ERC2: variants seen among roughly 807,000 people sequenced by gnomAD.
The protein encoded by ERC2 is ELKS/RAB6-interacting/CAST family member 2.
A neutral mutation model predicts 114.8 loss-of-function variants in ERC2; 42 were observed. The ratio of observed to expected loss-of-function variants is 0.37; its 90% CI spans 0.29 to 0.47. ERC2 has a LOEUF of 0.47. ERC2 is among the 20% of genes least tolerant of loss of function. ERC2 has a pLI of 0.99. For synonymous variants in ERC2, 454 were observed against 425.5 expected (o/e 1.07, Z -0.82); for missense variants, 939 against 1,150.7 (o/e 0.82, Z 2.66).
At chr3:55,683,942 T>G (rs2062191395) in intron 16 of ERC2, 83 bp from the exon 17 acceptor site, 2 of 1,468,842 alleles carry the variant, frequency 1.4e-6, no homozygotes, top group East Asian at 4.7e-5. Context: ...TACACCGAGA[T>G]GCACTGGAAA....
intron 2 of ERC2, among the ~76,000 whole-genome samples, chr3:56,368,504 A>G (rs1009632280): frequency 2.6e-5 from 4 of 152,216 alleles, no homozygotes; most frequent in Non-Finnish European, 5.9e-5. Flanking sequence ...ACAACATGCA[A>G]GAGTTAAAGG....
intron 17 of ERC2, among the ~76,000 whole-genome samples, chr3:55,584,251 T>G (rs1219520574): frequency 2.0e-5 from 3 of 152,170 alleles, no homozygotes; most frequent in East Asian, 1.9e-4. Flanking sequence ...GCAAGGTACT[T>G]TCCCTTGCAG....
intron 13 of ERC2, among the ~76,000 whole-genome samples, chr3:55,934,113 A>C (rs2066293216): frequency 6.6e-6 from 1 of 152,232 alleles, no homozygotes; most frequent in Non-Finnish European, 1.5e-5. Flanking sequence ...TATATACCAT[A>C]TGTGCATGTG....
Position 56,231,931 on chromosome 3 carries a change from G to GA in ERC2, c.1075-58412dup, listed in dbSNP as rs544978948. Among the ~76,000 whole-genome samples, 241 of 146,490 alleles carry GA rather than the reference G, an allele frequency of 1.6e-3. 1 individual carries two copies. Among genetic ancestry groups the GA allele is most frequent in the Non-Finnish European group, 2.6e-3 (172 of 66,558 alleles). On this transcript the variant is annotated intron_variant, in intron 3 of 17. Transcript: ENST00000288221. ...AAATGAGGTAAGCAATAACAAACTA[G>GA]AAAAAAAAATCTTTATAGAATGTAA...
chr3:56,093,459 G>A (rs568990712), intron 6 of ERC2, among the ~76,000 whole-genome samples: 2 of 152,090 alleles, frequency 1.3e-5, no homozygotes, highest in East Asian at 3.9e-4. Flanking sequence ...GAAAACCAGG[G>A]GTTCATCAGC....
chr3:55,541,429 C>A (rs1157994388), intron 17 of ERC2, among the ~76,000 whole-genome samples: 1 of 152,170 alleles, frequency 6.6e-6, no homozygotes, highest in Non-Finnish European at 1.5e-5. Flanking sequence ...GGGGTTTAGA[C>A]CCCGTAGCCT....
At chr3:56,344,928 T>C (rs1223692717) in intron 2 of ERC2, among the ~76,000 whole-genome samples, 1 of 152,200 alleles carries the variant, frequency 6.6e-6, no homozygotes, top group African/African-American at 2.4e-5. Flanking sequence ...TGAAAACCAA[T>C]GTACCAGTTC....
intron 3 of ERC2, among the ~76,000 whole-genome samples, chr3:56,248,390 G>T (rs1039376175): frequency 6.6e-6 from 1 of 152,128 alleles, no homozygotes; most frequent in African/African-American, 2.4e-5. Flanking sequence ...CACTGTGCCT[G>T]GCCCTACTAC....
At chr3:56,369,775 C>G (rs746190257) in intron 2 of ERC2, among the ~76,000 whole-genome samples, 211 of 152,094 alleles carry the variant, frequency 1.4e-3, no homozygotes, top group Non-Finnish European at 2.3e-3. Flanking sequence ...CTCCCGGATT[C>G]AAGCAATTCT....
intron 13 of ERC2, among the ~76,000 whole-genome samples, chr3:55,906,657 C>A (rs2064472306): frequency 2.0e-5 from 3 of 152,178 alleles, no homozygotes; most frequent in South Asian, 4.1e-4. Context: ...CTGCTTCACA[C>A]AATATTGCCC....
intron 17 of ERC2, among the ~76,000 whole-genome samples, chr3:55,525,707 C>T (rs374527247): frequency 1.3e-5 from 2 of 151,500 alleles, no homozygotes; most frequent in East Asian, 1.9e-4. Context: ...GGCCAGGCCA[C>T]GTGGGACTTT....
chr3:55,528,057 T>G (rs963535773), intron 17 of ERC2, among the ~76,000 whole-genome samples: 5 of 152,170 alleles, frequency 3.3e-5, no homozygotes, highest in Non-Finnish European at 5.9e-5. Context: ...TGAAAGGGCT[T>G]CATAAGCAGC....
chr3:56,327,661 G>A (rs751765148), intron 2 of ERC2, among the ~76,000 whole-genome samples: 3 of 152,126 alleles, frequency 2.0e-5, no homozygotes, highest in African/African-American at 7.2e-5. Context: ...GGATAACAGA[G>A]CAAGACTCCA....
chr3:55,529,977 C>T (rs777257435), intron 17 of ERC2, among the ~76,000 whole-genome samples: 2 of 152,110 alleles, frequency 1.3e-5, no homozygotes, highest in Non-Finnish European at 2.9e-5. Flanking sequence ...GGTCATTGGT[C>T]TAGATGGAAT....
At chr3:55,928,181 C>G (rs984311630) in intron 13 of ERC2, among the ~76,000 whole-genome samples, 4 of 152,152 alleles carry the variant, frequency 2.6e-5, no homozygotes, top group Admixed American at 2.0e-4. Flanking sequence ...AAGGAACCTC[C>G]AAACTGTTCT....
intron 14 of ERC2, among the ~76,000 whole-genome samples, chr3:55,818,538 G>A (rs1451256088): frequency 1.3e-5 from 2 of 152,172 alleles, no homozygotes; most frequent in Non-Finnish European, 2.9e-5. Flanking sequence ...AAACACAGAA[G>A]CTGACCTTCT....
intron 6 of ERC2, among the ~76,000 whole-genome samples, chr3:56,090,666 C>CTT (rs75767701): frequency 5.0e-5 from 7 of 139,638 alleles, no homozygotes; most frequent in Admixed American, 7.2e-5. Context: ...TTCATATTTT[C>CTT]TTTTTTTTTT....
intron 2 of ERC2, among the ~76,000 whole-genome samples, chr3:56,305,512 CCACACACACACA>C (rs58751787): frequency 1.1e-3 from 166 of 144,436 alleles, no homozygotes; most frequent in African/African-American, 2.9e-3. Flanking sequence ...ACTCTCTTAT[CCACACACACACA>C]CACACACACA....
intron 3 of ERC2, among the ~76,000 whole-genome samples, chr3:56,230,643 A>T (rs1481570549): frequency 1.3e-5 from 2 of 152,248 alleles, no homozygotes; most frequent in South Asian, 2.1e-4. Flanking sequence ...GCTCAGGAAA[A>T]AAAAAAGAAT....
Sources: gnomAD v4.1 joint callset for allele counts (sites outside exome capture counted in the v4.1 genomes callset) on GRCh38, gnomAD v4.1.1 for gene constraint, MANE v1.5 for transcripts, NCBI Gene and HGNC (gene_info 2026-07-23, HGNC 2026-07-21) for gene names.